Variants in NCKAP5 observed in about 807,000 individuals in gnomAD.
NCKAP5 encodes NCK associated protein 5.
In NCKAP5, 92 loss-of-function variants were observed where a neutral mutation model predicts 167.0. The ratio of observed to expected loss-of-function variants is 0.55; its 90% CI spans 0.47 to 0.66. The LOEUF (loss-of-function observed/expected upper bound fraction) is 0.66. Ranked by LOEUF, NCKAP5 falls within the 30% of genes least tolerant of loss-of-function variation. The pLI, the probability that NCKAP5 is intolerant of heterozygous loss-of-function variation, is 0.00. For missense variants in NCKAP5, 2,378 were observed against 2,315.0 expected, an observed-to-expected ratio of 1.03 and a Z score of -0.56; for synonymous variants, 891 against 877.4, an observed-to-expected ratio of 1.02 and a Z score of -0.27.
chr2:133,156,813 A>G (rs2083594417), intron 5 of NCKAP5, among the ~76,000 whole-genome samples: 1 of 152,068 alleles, frequency 6.6e-6, no homozygotes, highest in African/African-American at 2.4e-5. Context: ...CTTTGTCTCT[A>G]TTTAACAGCT....
chr2:133,406,515 G>C (rs1004643247), intron 3 of NCKAP5, among the ~76,000 whole-genome samples: 2 of 139,416 alleles, frequency 1.4e-5, no homozygotes, highest in Non-Finnish European at 3.0e-5. Flanking sequence ...CCCAAGGCTG[G>C]ACCTGCCTCA....
At chr2:133,060,010 G>C (rs1463942898) in intron 6 of NCKAP5, among the ~76,000 whole-genome samples, 8 of 151,998 alleles carry the variant, frequency 5.3e-5, no homozygotes, top group African/African-American at 1.9e-4. Context: ...TGACTAACAT[G>C]ATGACAGATA....
intron 3 of NCKAP5, among the ~76,000 whole-genome samples, chr2:133,450,897 G>A (rs1320428878): frequency 1.3e-5 from 2 of 152,052 alleles, no homozygotes; most frequent in African/African-American, 4.8e-5. Flanking sequence ...GTTTTCATAT[G>A]CTAAAGCCCT....
rs1432317082 is a variant in NCKAP5 at position 133,202,337 on chromosome 2, G to T, written c.207+11379C>A. 5.3e-5 allele frequency among the ~76,000 whole-genome samples: 8 copies of T among 152,066 alleles called. No homozygotes were observed. In the East Asian group the frequency reaches 7.7e-4, roughly 15 times the overall value. On this transcript the variant is annotated intron_variant, in intron 5 of 19. Transcript: ENST00000409261. The stretch of plus-strand genomic sequence containing the variant: ...GCTGGGAAAACTGGCTAGCCATATG[G>T]AGAAAGCTGAAACTGGATCCCTTCC...
chr2:133,126,527 A>G (rs2082409477), intron 6 of NCKAP5, among the ~76,000 whole-genome samples: 1 of 152,182 alleles, frequency 6.6e-6, no homozygotes, highest in African/African-American at 2.4e-5. Flanking sequence ...GGAAATTGAA[A>G]AACTGCTCAA....
intron 3 of NCKAP5, among the ~76,000 whole-genome samples, chr2:133,366,004 A>G (rs1316583141): frequency 6.6e-6 from 1 of 152,232 alleles, no homozygotes; most frequent in Non-Finnish European, 1.5e-5. Context: ...TTATTATTTC[A>G]GTTACAGACA....
At chr2:133,152,694 T>A (rs1008101376) in intron 5 of NCKAP5, among the ~76,000 whole-genome samples, 3 of 152,232 alleles carry the variant, frequency 2.0e-5, no homozygotes, top group South Asian at 4.1e-4. Flanking sequence ...GAAAAGGCTA[T>A]ATACTGTATG....
At position 132,797,794 on chromosome 2, in the gene NCKAP5, C is replaced by G. The variant is rs193215910; in HGVS notation, c.808-1065G>C. 3.2e-3 allele frequency among the ~76,000 whole-genome samples: 493 copies of G among 152,288 alleles called. 3 individuals are homozygous for G. Among genetic ancestry groups the G allele is most frequent in the African/African-American group, 0.012 (481 of 41,558 alleles). On this transcript the variant is annotated intron_variant, in intron 11 of 19. Coordinates refer to ENST00000409261, the MANE Select transcript of NCKAP5 (RefSeq NM_207363.3). The stretch of plus-strand genomic sequence containing the variant: ...CCCAGCATATCTACCATGAAGTCAG[C>G]AGGGACTACAAACTCCACTAAAATG...
intron 18 of NCKAP5, among the ~76,000 whole-genome samples, 167 bp from the exon 19 acceptor site, chr2:132,725,926 T>A (rs1390786007): frequency 6.6e-6 from 1 of 152,146 alleles, no homozygotes; most frequent in Non-Finnish European, 1.5e-5. Context: ...GGTTTGCCGG[T>A]TTTTCTGCCT....
chr2:132,969,630 T>C (rs1472574992), intron 7 of NCKAP5, among the ~76,000 whole-genome samples: 1 of 152,222 alleles, frequency 6.6e-6, no homozygotes, highest in Non-Finnish European at 1.5e-5. Flanking sequence ...AGTGAGGCTC[T>C]GTGTAGTTCT....
In NCKAP5 at chr2:133,526,165, GAGGAAGGAAGGAAGGAAGGA is replaced by G. The variant is rs1203618783; in HGVS notation, c.-61-8598_-61-8579del. ...GAAGGGAGGAACAGAGAAAGGGAAT[GAGGAAGGAAGGAAGGAAGGA>G]AGGAAGGAAGGAAGGAAGGAAGGAA... On this transcript the variant is annotated intron_variant, in intron 2 of 19. Transcript: ENST00000409261. Among the ~76,000 whole-genome samples, 303 of 69,918 alleles carry G rather than the reference GAGGAAGGAAGGAAGGAAGGA, an allele frequency of 4.3e-3. 2 individuals carry two copies. The highest frequency in any genetic ancestry group is 8.4e-3 in the Admixed American group (53 of 6,326). The allele number at this position is 69,918 out of a possible 152,430, so 45.9% of individuals were successfully genotyped here.
chr2:132,902,794 A>ATG (rs889286923), intron 8 of NCKAP5, among the ~76,000 whole-genome samples: 2 of 152,168 alleles, frequency 1.3e-5, no homozygotes, highest in African/African-American at 4.8e-5. Flanking sequence ...ATGCACAGGG[A>ATG]TTCACAAAGG....
intron 3 of NCKAP5, among the ~76,000 whole-genome samples, chr2:133,464,978 C>A (rs1179127493): frequency 2.0e-5 from 3 of 151,414 alleles, no homozygotes; most frequent in African/African-American, 7.3e-5. Context: ...TATGTAAATA[C>A]ACAGAATAGT....
chr2:133,168,153 C>T (rs1442346799), intron 5 of NCKAP5, among the ~76,000 whole-genome samples: 2 of 152,150 alleles, frequency 1.3e-5, no homozygotes, highest in South Asian at 2.1e-4. Flanking sequence ...GTCACAATGC[C>T]AGAGCTGGGA....
chr2:133,535,107 T>C (rs1375023940), intron 2 of NCKAP5, among the ~76,000 whole-genome samples: 1 of 152,204 alleles, frequency 6.6e-6, no homozygotes, highest in Non-Finnish European at 1.5e-5. Flanking sequence ...TCTTTTCATG[T>C]GTTTATTGGC....
intron 19 of NCKAP5, among the ~76,000 whole-genome samples, chr2:132,697,617 T>C (rs1355807814): frequency 6.6e-6 from 1 of 152,154 alleles, no homozygotes. Context: ...TTTTTTTTTT[T>C]TTCCATGTCC....
chr2:133,411,907 T>C (rs1402256587), intron 3 of NCKAP5, among the ~76,000 whole-genome samples: 1 of 152,224 alleles, frequency 6.6e-6, no homozygotes, highest in Admixed American at 6.5e-5. Flanking sequence ...TCACCATGTC[T>C]GCTAGGTGAG....
At chr2:133,562,801 T>C (rs896265489) in intron 1 of NCKAP5, among the ~76,000 whole-genome samples, 2 of 152,226 alleles carry the variant, frequency 1.3e-5, no homozygotes, top group African/African-American at 4.8e-5. Flanking sequence ...TACGGGGAAG[T>C]ACCCTGTGTA....
At chr2:133,149,222 T>C (rs1048128348) in intron 5 of NCKAP5, among the ~76,000 whole-genome samples, 2 of 152,198 alleles carry the variant, frequency 1.3e-5, no homozygotes, top group African/African-American at 4.8e-5. Flanking sequence ...TTGAGTATGA[T>C]AAGAAGTATG....
Sources: allele counts gnomAD v4.1 joint callset (sites outside exome capture counted in the v4.1 genomes callset), GRCh38; gene constraint gnomAD v4.1.1; transcripts MANE v1.5; gene names NCBI Gene and HGNC (gene_info 2026-07-23, HGNC 2026-07-21).